Variants in NFIA observed in about 807,000 individuals in gnomAD.
NFIA encodes nuclear factor 1 A-type.
NFIA carries 8 observed loss-of-function variants against 62.8 expected under a neutral mutation model. The observed-to-expected ratio is 0.13, with a 90% CI of 0.07 to 0.23. NFIA has a LOEUF of 0.23. Among genes scored for constraint, NFIA ranks in the 10% least tolerant of loss-of-function variants. NFIA has a pLI of 1.00. For missense variants in NFIA, 410 were observed against 642.1 expected (o/e 0.64, Z 3.91); for synonymous variants, 235 against 238.1 (o/e 0.99, Z 0.12).
Position 61,098,735 on chromosome 1 carries a change from AT to A in NFIA, c.559+10056del, listed in dbSNP as rs1387638341. ...AATCAGTAACTACAGTTTTAAAAAA[AT>A]ATTTAAATGAACTTTTATTGATTTC... On this transcript the variant is annotated intron_variant, in intron 2 of 10. Transcript: ENST00000403491. Among the ~76,000 whole-genome samples, 6 of 152,340 alleles carry A rather than the reference AT, an allele frequency of 3.9e-5. No homozygotes were observed. In the East Asian group the frequency reaches 9.6e-4, roughly 24 times the overall value.
At chr1:61,391,044 A>ATTTGTTTG (rs112725651) in intron 7 of NFIA, among the ~76,000 whole-genome samples, 5 of 150,878 alleles carry the variant, frequency 3.3e-5, no homozygotes, top group African/African-American at 1.2e-4. Flanking sequence ...TTGTTTGTTT[A>ATTTGTTTG]TTTGTTTGTT....
intron 2 of NFIA, among the ~76,000 whole-genome samples, chr1:61,252,948 AAAAG>A (rs1210568920): frequency 1.3e-5 from 2 of 152,228 alleles, no homozygotes; most frequent in African/African-American, 4.8e-5. Context: ...CCAAGGGAAA[AAAAG>A]GGAATTGGCA....
At position 61,146,055 on chromosome 1, in the gene NFIA, G is replaced by A. The variant is rs564607470; in HGVS notation, c.559+57375G>A. Among the ~76,000 whole-genome samples, 25 of 152,296 alleles carry A rather than the reference G, an allele frequency of 1.6e-4. No individual in the cohort carries two copies. In the South Asian group the frequency reaches 4.4e-3, roughly 27 times the overall value. ...TACTGGGCTGAAATGAAGGTGTTCC[G>A]AGGACTGGTTCCTTCTGTAGGCTCC... On this transcript the variant is annotated intron_variant, in intron 2 of 10. Transcript: ENST00000403491.
chr1:61,166,917 G>A (rs960939017), intron 2 of NFIA, among the ~76,000 whole-genome samples: 1 of 152,172 alleles, frequency 6.6e-6, no homozygotes, highest in African/African-American at 2.4e-5. Flanking sequence ...CAAGGCGGGC[G>A]GATCACAAGT....
intron 2 of NFIA, among the ~76,000 whole-genome samples, chr1:61,270,422 G>A (rs1330805992): frequency 1.3e-5 from 2 of 151,934 alleles, no homozygotes; most frequent in East Asian, 3.9e-4. Context: ...GTACTTTAAG[G>A]TGCTACCTGG....
chr1:61,110,864 G>GTAAAATAT (rs1646683619), intron 2 of NFIA, among the ~76,000 whole-genome samples: 1 of 152,058 alleles, frequency 6.6e-6, no homozygotes, highest in Admixed American at 6.5e-5. Flanking sequence ...ATTAGGGATT[G>GTAAAATAT]TCACTTTAAG....
chr1:61,124,549 A>G (rs1286505051), intron 2 of NFIA, among the ~76,000 whole-genome samples: 1 of 152,196 alleles, frequency 6.6e-6, no homozygotes, highest in Non-Finnish European at 1.5e-5. Context: ...TCAAATTATC[A>G]GCAAGGTTCT....
rs1055202729 is a variant in NFIA at position 61,457,493 on chromosome 1, G to T, written c.*2173G>T. 1 of 152,116 alleles carries T rather than the reference G, an allele frequency of 6.6e-6. No homozygotes were observed. Among genetic ancestry groups the T allele is most frequent in the Non-Finnish European group, 1.5e-5 (1 of 68,018 alleles). 9.4% of individuals were successfully genotyped at this position (152,116 alleles called of 1,614,324 possible). ...CAGTGCTATTCTGAGATCTGTAGAT[G>T]CTTAGAATATCAGTATTTTGGATGT... On this transcript the variant is annotated 3_prime_UTR_variant, in exon 11 of 11. Transcript: ENST00000403491. This position sits in a 1 kb window ranked among gnomAD's most constrained non-coding sequence, Gnocchi z 4.2.
At chr1:61,158,338 A>G (rs1318671694) in intron 2 of NFIA, among the ~76,000 whole-genome samples, 1 of 152,140 alleles carries the variant, frequency 6.6e-6, no homozygotes, top group African/African-American at 2.4e-5. Context: ...GGTATTATAA[A>G]TGGTTGTTTC....
chr1:61,200,582 C>G (rs1652407204), intron 2 of NFIA, among the ~76,000 whole-genome samples: 1 of 152,072 alleles, frequency 6.6e-6, no homozygotes, highest in Admixed American at 6.5e-5. Flanking sequence ...TGTATACATT[C>G]TCCAAAATAA....
intron 2 of NFIA, among the ~76,000 whole-genome samples, chr1:61,114,199 G>A (rs957400627): frequency 9.2e-5 from 14 of 152,044 alleles, no homozygotes; most frequent in Non-Finnish European, 1.6e-4. Flanking sequence ...AACATTATAC[G>A]ATAAAACACA....
At chr1:61,277,978 A>G (rs1331974216) in intron 3 of NFIA, among the ~76,000 whole-genome samples, 1 of 152,076 alleles carries the variant, frequency 6.6e-6, no homozygotes, top group African/African-American at 2.4e-5. Flanking sequence ...CATCTTCACT[A>G]GTGATTTAAG....
chr1:61,220,675 G>T (rs1272691591), intron 2 of NFIA, among the ~76,000 whole-genome samples: 2 of 152,220 alleles, frequency 1.3e-5, no homozygotes, highest in South Asian at 2.1e-4. Context: ...TATTTATCTT[G>T]GTTTGGCAAG....
chr1:61,421,354 GA>G (rs199846881), intron 9 of NFIA, among the ~76,000 whole-genome samples: 1 of 152,026 alleles, frequency 6.6e-6, no homozygotes, highest in Non-Finnish European at 1.5e-5. Flanking sequence ...TGGAGAGAGA[GA>G]AAAAAAATGA....
chr1:61,354,139 G>A (rs928573021), intron 5 of NFIA, among the ~76,000 whole-genome samples: 6 of 152,060 alleles, frequency 3.9e-5, no homozygotes, highest in Non-Finnish European at 8.8e-5. Context: ...GTGACTCTCT[G>A]AGAGGAAAGC....
chr1:61,246,845 C>T (rs1655678765), intron 2 of NFIA, among the ~76,000 whole-genome samples: 1 of 152,070 alleles, frequency 6.6e-6, no homozygotes, highest in African/African-American at 2.4e-5. Context: ...TTATTAGTAG[C>T]CTTAGTATCT....
At chr1:61,304,562 T>G (rs1482966213) in intron 3 of NFIA, among the ~76,000 whole-genome samples, 1 of 152,154 alleles carries the variant, frequency 6.6e-6, no homozygotes, top group Non-Finnish European at 1.5e-5. Context: ...AACATGGAAC[T>G]CATAGAATAT....
chr1:61,213,569 C>G (rs144091948), intron 2 of NFIA, among the ~76,000 whole-genome samples: 3 of 152,298 alleles, frequency 2.0e-5, no homozygotes, highest in African/African-American at 7.2e-5. Context: ...TTAGAAGAAC[C>G]TCAGCTCTGT....
chr1:61,126,316 T>G (rs1158260824), intron 2 of NFIA, among the ~76,000 whole-genome samples: 1 of 152,170 alleles, frequency 6.6e-6, no homozygotes. Flanking sequence ...TTGGTCCTGA[T>G]TCGGCCTCAG....
Sources: allele counts gnomAD v4.1 joint callset (sites outside exome capture counted in the v4.1 genomes callset), GRCh38; gene constraint gnomAD v4.1.1; non-coding constraint Gnocchi (gnomAD v3.1); transcripts MANE v1.5; gene names NCBI Gene and HGNC (gene_info 2026-07-23, HGNC 2026-07-21).